Variants in PRDM5 observed in about 807,000 individuals in gnomAD.
PRDM5 encodes PR domain zinc finger protein 5.
In PRDM5, 56 loss-of-function variants were observed where a neutral mutation model predicts 81.2. That is an observed-to-expected ratio of 0.69 (90% CI 0.56 to 0.86). PRDM5 has a LOEUF of 0.86. Among genes scored for constraint, PRDM5 ranks in the 40% least tolerant of loss-of-function variants. PRDM5 has a pLI of 0.00. For missense variants in PRDM5, 697 were observed against 770.1 expected (o/e 0.91, Z 1.12); for synonymous variants, 267 against 256.4 (o/e 1.04, Z -0.39).
chr4:120,695,145 T>C lies in PRDM5; in HGVS notation c.1859A>G (p.His620Arg). The C allele has an allele frequency of 6.2e-7, 1 of 1,613,428 alleles. No homozygotes were observed. Among genetic ancestry groups the C allele is most frequent in the South Asian group, 1.1e-5 (1 of 91,060 alleles). Residue 620 changes from histidine to arginine, a missense_variant, in exon 16 of 16, where the codon CAC becomes CGC. Physicochemically the swap from His to Arg is conservative, Grantham distance 29 (BLOSUM62 0). This residue lies in a region of PRDM5 where 34 missense variants were observed against 28.1 expected (regional missense o/e 1.21). Transcript: ENST00000264808. ...KFTRNDYLKV[H>R]MDNIHGVADS ...AGCTACACCATGGATATTGTCCATG[T>C]GCACTTTGAGGTAGTCATTCCTTGT... is the stretch of plus-strand genomic sequence containing the variant.
At chr4:120,746,730 T>G (rs1371774572) in intron 14 of PRDM5, among the ~76,000 whole-genome samples, 1 of 146,800 alleles carries the variant, frequency 6.8e-6, no homozygotes, top group East Asian at 2.0e-4. Flanking sequence ...AAAACCACAA[T>G]GAGATACCAT....
At position 120,894,419 on chromosome 4, in the gene PRDM5, T is replaced by C. The variant is rs572664191; in HGVS notation, c.177+13055A>G. ...TCCTTTCTGCATTTCCATGTTTCCA[T>C]CAGGATTCCTTTTCCTTCTCCATGA... On this transcript the variant is annotated intron_variant, in intron 2 of 15. Transcript: ENST00000264808. Among the ~76,000 whole-genome samples, 5 of 152,340 alleles carry C rather than the reference T, an allele frequency of 3.3e-5. No homozygotes were observed. In the South Asian group the frequency reaches 1.0e-3, roughly 32 times the overall value.
At chr4:120,816,056 G>A (rs575324331) in intron 7 of PRDM5, 131 of 223,334 alleles carry the variant, frequency 5.9e-4, no homozygotes, top group Non-Finnish European at 8.6e-4. Flanking sequence ...TTCACAAGTT[G>A]GATTTTTACT....
intron 13 of PRDM5, among the ~76,000 whole-genome samples, chr4:120,771,233 C>T (rs1482135846): frequency 6.6e-6 from 1 of 152,240 alleles, no homozygotes; most frequent in Middle Eastern, 3.4e-3. Flanking sequence ...AACCTCTCTT[C>T]AGACTTAGGA....
intron 2 of PRDM5, among the ~76,000 whole-genome samples, chr4:120,884,994 C>CA (rs36046997): frequency 6.6e-6 from 1 of 151,248 alleles, no homozygotes; most frequent in Non-Finnish European, 1.5e-5. Flanking sequence ...ACTAAAAATA[C>CA]AAAAAATTAC....
At chr4:120,891,346 G>GT (rs1037550116) in intron 2 of PRDM5, among the ~76,000 whole-genome samples, 6 of 152,024 alleles carry the variant, frequency 3.9e-5, no homozygotes, top group African/African-American at 1.4e-4. Flanking sequence ...GTCTCTGAGG[G>GT]TTTTTTGTGT....
At chr4:120,902,495 A>G (rs1179315819) in intron 2 of PRDM5, among the ~76,000 whole-genome samples, 2 of 152,224 alleles carry the variant, frequency 1.3e-5, no homozygotes, top group Admixed American at 6.5e-5. Flanking sequence ...CCACCTGGCA[A>G]AAAGTAGACA....
chr4:120,794,268 T>C (rs1467839156), intron 10 of PRDM5, among the ~76,000 whole-genome samples: 2 of 152,112 alleles, frequency 1.3e-5, no homozygotes, highest in African/African-American at 4.8e-5. Flanking sequence ...GGCTGTGCTC[T>C]AACTGTTGAG....
intron 13 of PRDM5, among the ~76,000 whole-genome samples, chr4:120,755,767 T>A (rs1416508171): frequency 6.6e-6 from 1 of 152,134 alleles, no homozygotes; most frequent in Non-Finnish European, 1.5e-5. Flanking sequence ...CTGGCCCCAT[T>A]GCACAATGGC....
Position 120,876,720 on chromosome 4 carries a change from G to A in PRDM5, c.178-23180C>T, listed in dbSNP as rs374977539. Among the ~76,000 whole-genome samples the A allele has an allele frequency of 6.2e-4, 94 of 152,184 alleles. 1 individual carries two copies. The South Asian group carries it at 0.019, about 31-fold the overall frequency. ...AGCTTTATTTACCAGAGATACATTT[G>A]ATGAAAAAATATAAGGATTCTATTT... On this transcript the variant is annotated intron_variant, in intron 2 of 15. Coordinates refer to ENST00000264808, the MANE Select transcript of PRDM5 (RefSeq NM_018699.4).
intron 13 of PRDM5, among the ~76,000 whole-genome samples, chr4:120,759,958 C>T (rs1745354554): frequency 6.6e-6 from 1 of 152,194 alleles, no homozygotes; most frequent in Non-Finnish European, 1.5e-5. Context: ...GCTTAACACA[C>T]ATTAGCAATT....
chr4:120,701,066 A>G (rs1735272308), intron 15 of PRDM5, among the ~76,000 whole-genome samples: 1 of 152,078 alleles, frequency 6.6e-6, no homozygotes, highest in South Asian at 2.1e-4. Context: ...CGGAGGTTGC[A>G]GTGAGCCAAG....
chr4:120,741,793 G>C (rs920141009), intron 14 of PRDM5, among the ~76,000 whole-genome samples: 5 of 151,810 alleles, frequency 3.3e-5, no homozygotes, highest in African/African-American at 1.2e-4. Flanking sequence ...ACGGAGTCTC[G>C]CTGATTGCTA....
chr4:120,716,097 C>T (rs983829411), intron 14 of PRDM5, among the ~76,000 whole-genome samples: 4 of 152,148 alleles, frequency 2.6e-5, no homozygotes, highest in African/African-American at 7.2e-5. Flanking sequence ...TTAATCATTG[C>T]TTTAGCTGAA....
downstream of PRDM5, among the ~76,000 whole-genome samples, chr4:120,684,757 A>AGAATAATTACAT: frequency 6.6e-6 from 1 of 152,132 alleles, no homozygotes; most frequent in South Asian, 2.1e-4. Flanking sequence ...ATTATCTCAA[A>AGAATAATTACAT]GAATAATTAC....
At chr4:120,884,485 T>C (rs1448243089) in intron 2 of PRDM5, among the ~76,000 whole-genome samples, 1 of 152,124 alleles carries the variant, frequency 6.6e-6, no homozygotes, top group Non-Finnish European at 1.5e-5. Flanking sequence ...CTTTCTATGC[T>C]CCCCAATCAA....
intron 14 of PRDM5, among the ~76,000 whole-genome samples, chr4:120,750,522 C>G (rs112907214): frequency 3.9e-5 from 6 of 152,122 alleles, no homozygotes; most frequent in Non-Finnish European, 7.4e-5. Context: ...CAGCCCACCC[C>G]CTGGAGAAGC....
intron 14 of PRDM5, among the ~76,000 whole-genome samples, chr4:120,714,717 A>C (rs1176522032): frequency 1.3e-5 from 2 of 152,082 alleles, no homozygotes; most frequent in Non-Finnish European, 2.9e-5. Context: ...TAGTGAGGAC[A>C]CGTTTGGTGG....
At chr4:120,783,327 T>A (rs1017948824) in intron 11 of PRDM5, among the ~76,000 whole-genome samples, 1 of 152,094 alleles carries the variant, frequency 6.6e-6, no homozygotes, top group Non-Finnish European at 1.5e-5. Context: ...TCACGATGCA[T>A]CTTCATAAAG....
Sources: gnomAD v4.1 joint callset for allele counts (sites outside exome capture counted in the v4.1 genomes callset) on GRCh38, gnomAD v4.1.1 for gene constraint, gnomAD v4.1.1 regional missense constraint, MANE v1.5 for transcripts, NCBI Gene and HGNC (gene_info 2026-07-23, HGNC 2026-07-21) for gene names.